SLC44A5: variants seen among roughly 807,000 people sequenced by gnomAD.
SLC44A5 encodes the protein solute carrier family 44 member 5, also known as choline transporter-like protein 5.
A neutral mutation model predicts 101.8 loss-of-function variants in SLC44A5; 57 were observed. The ratio of observed to expected loss-of-function variants is 0.56; its 90% CI spans 0.45 to 0.70. SLC44A5 has a LOEUF of 0.70. Ranked by LOEUF, SLC44A5 falls within the 30% of genes least tolerant of loss-of-function variation. The probability of loss-of-function intolerance (pLI) is 0.00; values close to 1 mark genes in which losing one functional copy is unlikely to be tolerated. For synonymous variants in SLC44A5, 281 were observed against 290.9 expected (o/e 0.97, Z 0.35); for missense variants, 737 against 853.1 (o/e 0.86, Z 1.70).
intron 2 of SLC44A5, among the ~76,000 whole-genome samples, chr1:75,400,627 C>A (rs1662416915): frequency 6.6e-6 from 1 of 152,160 alleles, no homozygotes; most frequent in South Asian, 2.1e-4. Flanking sequence ...CCCTCACCCC[C>A]TGTGTTGGGC....
intron 2 of SLC44A5, among the ~76,000 whole-genome samples, chr1:75,535,322 A>T (rs952333036): frequency 4.6e-5 from 7 of 152,142 alleles, no homozygotes; most frequent in South Asian, 2.1e-4. Context: ...ACACAGAATC[A>T]CTTCTCAGCA....
intron 2 of SLC44A5, among the ~76,000 whole-genome samples, chr1:75,492,285 A>T (rs1668465398): frequency 6.6e-6 from 1 of 152,208 alleles, no homozygotes; most frequent in Non-Finnish European, 1.5e-5. Flanking sequence ...ATAACAGGAA[A>T]ATGAAATGAA....
At chr1:75,315,454 A>G (rs149791554) in intron 4 of SLC44A5, among the ~76,000 whole-genome samples, 286 of 152,260 alleles carry the variant, frequency 1.9e-3, no homozygotes, top group African/African-American at 6.6e-3. Flanking sequence ...TGAATTTCCC[A>G]GGAAATCATA....
the SLC44A5 span, among the ~76,000 whole-genome samples, chr1:75,712,758 T>TA: frequency 6.6e-6 from 1 of 150,418 alleles, no homozygotes; most frequent in African/African-American, 2.4e-5. Flanking sequence ...TGCTGTCGTT[T>TA]AAAAAAAATT....
chr1:75,489,632 C>T (rs547019248), intron 2 of SLC44A5, among the ~76,000 whole-genome samples: 1 of 152,256 alleles, frequency 6.6e-6, no homozygotes, highest in East Asian at 1.9e-4. Context: ...AGTGAGTCTC[C>T]ATCATATCTT....
chr1:75,621,980 AAC>A, the SLC44A5 span, among the ~76,000 whole-genome samples: 27 of 152,122 alleles, frequency 1.8e-4, no homozygotes, highest in Non-Finnish European at 3.7e-4. Flanking sequence ...AGACTTAAAT[AAC>A]ACTTCTTCCC....
chr1:75,537,033 A>AAAATATATATATATATAT (rs35829590), intron 2 of SLC44A5, among the ~76,000 whole-genome samples: 13 of 43,008 alleles, frequency 3.0e-4, no homozygotes, highest in Non-Finnish European at 3.5e-4. Flanking sequence ...AAAAAAAAAA[A>AAAATATATATATATATAT]ATATATATCT....
At chr1:75,447,693 C>A (rs538150450) in intron 2 of SLC44A5, among the ~76,000 whole-genome samples, 5 of 152,084 alleles carry the variant, frequency 3.3e-5, no homozygotes, top group Admixed American at 6.6e-5. Flanking sequence ...ACTAAACTCA[C>A]ACAAAAATAC....
intron 2 of SLC44A5, among the ~76,000 whole-genome samples, chr1:75,530,653 C>T (rs116183825): frequency 2.5e-3 from 377 of 152,294 alleles, no homozygotes; most frequent in African/African-American, 8.7e-3. Flanking sequence ...TGTTTACCCA[C>T]TAATTGCTCT....
chr1:75,418,508 T>C (rs929456597), intron 2 of SLC44A5, among the ~76,000 whole-genome samples: 1 of 152,128 alleles, frequency 6.6e-6, no homozygotes, highest in Non-Finnish European at 1.5e-5. Flanking sequence ...CAAGCCTATG[T>C]CTAAAAGATG....
At chr1:75,539,270 A>G (rs1443396812) in intron 2 of SLC44A5, among the ~76,000 whole-genome samples, 2 of 152,148 alleles carry the variant, frequency 1.3e-5, no homozygotes, top group Non-Finnish European at 2.9e-5. Context: ...GAAAACCACA[A>G]TGCCTGTGGA....
chr1:75,673,947 G>A, the SLC44A5 span, among the ~76,000 whole-genome samples: 6 of 152,194 alleles, frequency 3.9e-5, no homozygotes, highest in Admixed American at 6.5e-5. Context: ...TCTGAAGGAG[G>A]ACAGGTACAA....
intron 2 of SLC44A5, among the ~76,000 whole-genome samples, chr1:75,407,053 T>A (rs1662921687): frequency 6.6e-6 from 1 of 152,110 alleles, no homozygotes; most frequent in Admixed American, 6.5e-5. Context: ...CAAGCATGCC[T>A]ATACACCAAT....
the SLC44A5 span, among the ~76,000 whole-genome samples, chr1:75,657,379 T>C: frequency 6.6e-6 from 1 of 151,864 alleles, no homozygotes; most frequent in Non-Finnish European, 1.5e-5. Flanking sequence ...TGAAACTGCG[T>C]CACTACAAAA....
chr1:75,273,749 C>A lies in SLC44A5; in HGVS notation c.260+1209G>T, dbSNP rs553175797. ...AACTCACTTGATCCTGATGTATTAT[C>A]CTATTGATGTCCTGTTGGATTCAGT... On this transcript the variant is annotated intron_variant, in intron 6 of 23. Coordinates refer to ENST00000370859, the MANE Select transcript of SLC44A5 (RefSeq NM_001130058.2). Among the ~76,000 whole-genome samples, 19 of 152,202 alleles carry A rather than the reference C, an allele frequency of 1.2e-4. No individual in the cohort carries two copies. The South Asian group carries it at 3.1e-3, about 25-fold the overall frequency.
intron 3 of SLC44A5, among the ~76,000 whole-genome samples, chr1:75,341,118 C>T (rs1657842958): frequency 6.6e-6 from 1 of 152,152 alleles, no homozygotes. Context: ...TTTTTTGGAT[C>T]CTTGCCATGA....
intron 2 of SLC44A5, among the ~76,000 whole-genome samples, chr1:75,423,316 G>A (rs867618653): frequency 6.6e-6 from 1 of 152,120 alleles, no homozygotes; most frequent in South Asian, 2.1e-4. Context: ...GTTTCCTATG[G>A]CTGGTGAAAT....
intron 5 of SLC44A5, among the ~76,000 whole-genome samples, chr1:75,279,727 A>G (rs1256016062): frequency 6.6e-6 from 1 of 151,482 alleles, no homozygotes; most frequent in African/African-American, 2.4e-5. Context: ...TACAACTTAT[A>G]AAGTGTATGT....
At chr1:75,227,622 G>T in intron 13 of SLC44A5, 104 bp downstream of exon 13, 1 of 850,802 alleles carries the variant, frequency 1.2e-6, no homozygotes, top group Non-Finnish European at 1.7e-6. Flanking sequence ...TGACACTAGT[G>T]ATAAATACAT....
Sources: allele counts gnomAD v4.1 joint callset (sites outside exome capture counted in the v4.1 genomes callset), GRCh38; gene constraint gnomAD v4.1.1; transcripts MANE v1.5; gene names NCBI Gene and HGNC (gene_info 2026-07-23, HGNC 2026-07-21).